The following NFASC variants were observed in gnomAD, a reference collection of about 807,000 sequenced individuals.
NFASC encodes the protein neurofascin, also known as neurofascin homolog.
A neutral mutation model predicts 147.5 loss-of-function variants in NFASC; 43 were observed. The ratio of observed to expected loss-of-function variants is 0.29; its 90% confidence interval spans 0.23 to 0.38. The LOEUF (loss-of-function observed/expected upper bound fraction) is 0.38. NFASC is among the 10% of genes least tolerant of loss of function. The pLI, the probability that NFASC is intolerant of heterozygous loss-of-function variation, is 1.00. For synonymous variants in NFASC, 622 were observed against 665.5 expected (o/e 0.93, Z 1.01); for missense variants, 1,320 against 1,689.0 (o/e 0.78, Z 3.83).
chr1:204,987,326 A>T lies in NFASC; in HGVS notation c.2471-92A>T. The T allele has an allele frequency of 7.9e-7, 1 of 1,266,468 alleles. No homozygotes were observed. Among genetic ancestry groups the T allele is most frequent in the Non-Finnish European group, 1.1e-6 (1 of 893,760 alleles). 78.5% of individuals were successfully genotyped at this position (1,266,468 alleles called of 1,614,324 possible). Reference sequence around the variant, plus strand: ...GAGCATGGGGGTTGTCCAGAGGTCAATGCCTTCATACTTGTGCTTTGTTTT... The same window carrying T: ...GAGCATGGGGGTTGTCCAGAGGTCATTGCCTTCATACTTGTGCTTTGTTTT... On this transcript the variant is annotated intron_variant, in intron 21 of 29. Coordinates refer to ENST00000339876, the MANE Select transcript of NFASC (RefSeq NM_001005388.3). The surrounding 1 kb of genome is among the most constrained non-coding windows in gnomAD (Gnocchi z 4.4).
intron 1 of NFASC, among the ~76,000 whole-genome samples, chr1:204,874,770 C>T (rs1455725498): frequency 6.6e-6 from 1 of 152,094 alleles, no homozygotes; most frequent in Non-Finnish European, 1.5e-5. Context: ...AAAGGAGGGC[C>T]CGGTGATAGA....
chr1:204,871,405 A>C (rs778662142), intron 1 of NFASC, among the ~76,000 whole-genome samples: 11 of 152,136 alleles, frequency 7.2e-5, no homozygotes, highest in Non-Finnish European at 1.6e-4. Flanking sequence ...GGGAGCTTTG[A>C]TTTGAGGAAT....
At chr1:204,910,820 A>G (rs2087258309) in intron 1 of NFASC, among the ~76,000 whole-genome samples, 1 of 123,538 alleles carries the variant, frequency 8.1e-6, no homozygotes, top group South Asian at 2.5e-4. Flanking sequence ...ATTAGTTCCA[A>G]GAGATTTTTT....
intron 27 of NFASC, among the ~76,000 whole-genome samples, chr1:205,005,517 A>G (rs947690320): frequency 6.6e-6 from 1 of 152,182 alleles, no homozygotes; most frequent in African/African-American, 2.4e-5. Flanking sequence ...GGCAAGTGTA[A>G]ACGCACCCTG....
chr1:205,005,287 G>A (rs2096079927), intron 27 of NFASC, among the ~76,000 whole-genome samples: 1 of 152,222 alleles, frequency 6.6e-6, no homozygotes, highest in Non-Finnish European at 1.5e-5. Flanking sequence ...TGCAGACTTT[G>A]AGTGACTGGC....
At chr1:204,872,795 A>T (rs945259325) in intron 1 of NFASC, among the ~76,000 whole-genome samples, 1 of 152,168 alleles carries the variant, frequency 6.6e-6, no homozygotes, top group Non-Finnish European at 1.5e-5. Context: ...AACAACTATA[A>T]TCACAATGGC....
Position 204,997,170 on chromosome 1 carries a change from C to A in NFASC, c.2783C>A (p.Ala928Asp). The change falls in exon 25 of 30, where the codon GCT (alanine) becomes GAT (aspartate). Residue 928 changes from alanine to aspartate, a missense_variant and splice_region_variant. Ala to Asp is a moderately radical substitution (Grantham distance 126). Around this residue, in one of 3 missense-constraint regions of NFASC, gnomAD observed 981 missense variants for 1,289.5 expected, o/e 0.76. Coordinates refer to ENST00000339876, the MANE Select transcript of NFASC (RefSeq NM_001005388.3). ...CGGCTGTTTTACATTTCCCTCTCAG[C>A]TCCTCCCACATTGCCCCCGACTACC... Reference protein sequence around the residue: ...APPNEATPTAAPPTLPPTTVG... With the variant: ...APPNEATPTADPPTLPPTTVG... The A allele has an allele frequency of 6.8e-6, 11 of 1,608,314 alleles. No individual in the cohort carries two copies. The highest frequency in any genetic ancestry group is 9.4e-6 in the Non-Finnish European group (11 of 1,175,574).
intron 1 of NFASC, among the ~76,000 whole-genome samples, chr1:204,874,124 T>C (rs2078265560): frequency 6.6e-6 from 1 of 152,232 alleles, no homozygotes; most frequent in Non-Finnish European, 1.5e-5. Context: ...AGGCTCTCTC[T>C]GTCCAGTCCT....
At chr1:204,997,444 C>T (rs1455900310) in intron 25 of NFASC, 38 bp downstream of exon 25, 29 of 1,551,196 alleles carry the variant, frequency 1.9e-5, no homozygotes, top group Non-Finnish European at 2.2e-5. Flanking sequence ...CCCCTCCTGG[C>T]CCGCCTCCCC....
At chr1:204,982,298 C>T (rs1291115542) in intron 21 of NFASC, among the ~76,000 whole-genome samples, 1 of 152,252 alleles carries the variant, frequency 6.6e-6, no homozygotes, top group Non-Finnish European at 1.5e-5. Flanking sequence ...AAACCCTCGG[C>T]AGTGTTCCAT....
In NFASC at chr1:205,016,783, G is replaced by A. The variant is rs2096365995; in HGVS notation, c.*244G>A. ...CTGGAGCCGTGGCTGAGCTCAGCTG[G>A]AGGGAGCCTGGCCCCTTGCCCGGTC... On this transcript the variant is annotated 3_prime_UTR_variant, in exon 30 of 30. Transcript: ENST00000339876. This position sits in a 1 kb window ranked among gnomAD's most constrained non-coding sequence, Gnocchi z 5.1. 1 of 581,754 alleles carries A rather than the reference G, an allele frequency of 1.7e-6. No individual in the cohort carries two copies. The highest frequency in any genetic ancestry group is 3.2e-5 in the East Asian group (1 of 31,302). The allele number at this position is 581,754 out of a possible 1,614,324, so 36.0% of individuals were successfully genotyped here. A position where few individuals can be genotyped will look rare whatever the true frequency, so the allele number is the denominator to read the frequency against.
chr1:204,983,468 C>A (rs545769490), intron 21 of NFASC, among the ~76,000 whole-genome samples: 1 of 152,282 alleles, frequency 6.6e-6, no homozygotes, highest in East Asian at 1.9e-4. Context: ...CCACTCTGAG[C>A]CTCCATGGAC....
chr1:204,963,726 A>G (rs2094803652), intron 8 of NFASC, among the ~76,000 whole-genome samples: 2 of 152,242 alleles, frequency 1.3e-5, no homozygotes, highest in Admixed American at 1.3e-4. Context: ...GAAAGGATAT[A>G]AAGTCAAAGG....
intron 1 of NFASC, among the ~76,000 whole-genome samples, chr1:204,913,417 A>G (rs2088226324): frequency 1.3e-5 from 2 of 152,252 alleles, no homozygotes; most frequent in South Asian, 4.1e-4. Context: ...AAACTCGATT[A>G]TAAAACTACA....
In NFASC at chr1:204,968,008, T is replaced by C; in HGVS notation, c.707-241T>C. On this transcript the variant is annotated intron_variant, in intron 8 of 29. Transcript: ENST00000339876. The surrounding 1 kb of genome is among the most constrained non-coding windows in gnomAD (Gnocchi z 5.4). The stretch of plus-strand genomic sequence containing the variant: ...GAGATTCCCTGAACCTGAGGGAAGC[T>C]GGGCTCCTCCAGGCAGATCCTTTCA... 2.3e-6 allele frequency: 1 copy of C among 434,096 alleles called. No homozygotes were observed. The highest frequency in any genetic ancestry group is 4.2e-6 in the Non-Finnish European group (1 of 237,836). The allele number at this position is 434,096 out of a possible 1,614,324, so 26.9% of individuals were successfully genotyped here.
chr1:204,934,333 C>T (rs2092650134), intron 2 of NFASC, among the ~76,000 whole-genome samples: 1 of 151,980 alleles, frequency 6.6e-6, no homozygotes, highest in Non-Finnish European at 1.5e-5. Context: ...AAAGTGGCAG[C>T]ATAGGTAGGC....
At chr1:204,850,646 C>T (rs553444244) in intron 1 of NFASC, among the ~76,000 whole-genome samples, 1 of 152,366 alleles carries the variant, frequency 6.6e-6, no homozygotes, top group Admixed American at 6.5e-5. Context: ...TTTGTGCGCT[C>T]TGTCTCCTGC....
At chr1:204,835,948 A>G (rs919012833) in intron 1 of NFASC, among the ~76,000 whole-genome samples, 6 of 152,188 alleles carry the variant, frequency 3.9e-5, no homozygotes, top group Non-Finnish European at 7.3e-5. Context: ...ATGAGAGTGA[A>G]TGGCTGGCAG....
chr1:204,983,308 A>G (rs1467703183), intron 21 of NFASC, among the ~76,000 whole-genome samples: 1 of 152,274 alleles, frequency 6.6e-6, no homozygotes, highest in Middle Eastern at 3.4e-3. Flanking sequence ...GAACTAGATT[A>G]GGGCATCTTC....
Sources: gnomAD v4.1 joint callset for allele counts (sites outside exome capture counted in the v4.1 genomes callset) on GRCh38, gnomAD v4.1.1 for gene constraint, gnomAD v4.1.1 regional missense constraint, Gnocchi (gnomAD v3.1) non-coding constraint, MANE v1.5 for transcripts, NCBI Gene and HGNC (gene_info 2026-07-23, HGNC 2026-07-21) for gene names.